The following MLH3 variants were observed in gnomAD, a reference collection of about 807,000 sequenced individuals.
MLH3 encodes mutL homolog 3, also known as DNA mismatch repair protein Mlh3.
MLH3 carries 82 observed loss-of-function variants against 122.2 expected under a neutral mutation model. The ratio of observed to expected loss-of-function variants is 0.67; its 90% confidence interval spans 0.56 to 0.81. The LOEUF (loss-of-function observed/expected upper bound fraction) is 0.81. Ranked by LOEUF, MLH3 falls within the 30% of genes least tolerant of loss-of-function variation. MLH3 has a pLI of 0.00. For synonymous variants in MLH3, 524 were observed against 599.5 expected (o/e 0.87, Z 1.84); for missense variants, 1,539 against 1,714.5 (o/e 0.90, Z 1.81).
Position 75,032,218 on chromosome 14 carries a change from G to A in MLH3, c.3716-39C>T, listed in dbSNP as rs761437359. ...GATGAATGGGTTAAGAGTAGGAAGG[G>A]AAGTCTTCTAGATTCAGATAAAAAT... On this transcript the variant is annotated intron_variant, in intron 7 of 12. Transcript: ENST00000355774. 6 of 1,191,226 alleles carry A rather than the reference G, an allele frequency of 5.0e-6. No homozygotes were observed. The East Asian group carries it at 1.4e-4, about 28-fold the overall frequency. 73.8% of individuals were successfully genotyped at this position (1,191,226 alleles called of 1,614,324 possible). A position where few individuals can be genotyped will look rare whatever the true frequency, so the allele number is the denominator to read the frequency against.
chr14:75,039,845 C>CTATATATA lies in MLH3; in HGVS notation c.3570+65_3570+66insTATATATA, dbSNP rs1566594267. On this transcript the variant is annotated intron_variant, in intron 5 of 12. Transcript: ENST00000355774. ...TAAATCAAATTTTAGAAGAGTTAGG[C>CTATATATA]CATATATATATATATATATATATAT... 38 of 316,520 alleles carry CTATATATA rather than the reference C, an allele frequency of 1.2e-4. 2 individuals are homozygous for CTATATATA. Among genetic ancestry groups the CTATATATA allele is most frequent in the Admixed American group, 5.1e-4 (5 of 9,862 alleles). The allele number at this position is 316,520 out of a possible 1,614,324, so 19.6% of individuals were successfully genotyped here.
rs1890975310 is a variant in MLH3, at chr14:75,030,547, A to G, written c.3983T>C (p.Val1328Ala). The change falls in exon 9 of 13, where the codon GTG (valine) becomes GCG (alanine). Residue 1328 changes from valine to alanine, a missense_variant. Transcript: ENST00000355774. ...ACATCTGCAGCTGTGTCTTACCTCC[A>G]CAATACTCTTGGTCACAGTAGATCT... ...RGRSTVTKSI[V>A]EEFIREQLEL... The G allele has an allele frequency of 6.2e-7, 1 of 1,614,116 alleles. No homozygotes were observed. Among genetic ancestry groups the G allele is most frequent in the Non-Finnish European group, 8.5e-7 (1 of 1,179,984 alleles).
In MLH3 at chr14:75,047,415, C is replaced by T. The variant is rs139155264; in HGVS notation, c.2241G>A (p.Leu747=). ...SKPIVRKKLS[L]SSQLGSLEKF... ...TCTCTAAAGATCCTAGCTGTGAACT[C>T]AAGCTTAGCTTCTTACGGACGATTG... Residue 747 remains leucine (L), a synonymous_variant, in exon 2 of 13, where the codon TTG becomes TTA. Coordinates refer to ENST00000355774, the MANE Select transcript of MLH3 (RefSeq NM_001040108.2). The T allele has an allele frequency of 2.3e-5, 37 of 1,614,076 alleles. No homozygotes were observed. In the African/African-American group the frequency reaches 2.9e-4, roughly 13 times the overall value.
At chr14:75,019,968 T>C (rs1476115784) in intron 11 of MLH3, among the ~76,000 whole-genome samples, 1 of 152,112 alleles carries the variant, frequency 6.6e-6, no homozygotes, top group Non-Finnish European at 1.5e-5. Flanking sequence ...AAATACAGGA[T>C]ATGAATATAT....
At position 75,050,492 on chromosome 14, in the gene MLH3, C is replaced by T. The variant is rs913787543; in HGVS notation, c.-63-774G>A. ...TCGGCTCACTGCAGCCTGCACCTCC[C>T]GGGCTCAAGCAATCCTCCAGCCTTA... On this transcript the variant is annotated intron_variant, in intron 1 of 12. Coordinates refer to ENST00000355774, the MANE Select transcript of MLH3 (RefSeq NM_001040108.2). Among the ~76,000 whole-genome samples, 7 of 152,258 alleles carry T rather than the reference C, an allele frequency of 4.6e-5. No homozygotes were observed. In the East Asian group the frequency reaches 9.6e-4, roughly 21 times the overall value.
chr14:75,028,365 G>A (rs1252703107), intron 9 of MLH3, among the ~76,000 whole-genome samples: 1 of 151,076 alleles, frequency 6.6e-6, no homozygotes, highest in Non-Finnish European at 1.5e-5. Flanking sequence ...AACCCATCTA[G>A]CCAACTCCCA....
At position 75,046,606 on chromosome 14, in the gene MLH3, T is replaced by C; in HGVS notation, c.3050A>G (p.Asn1017Ser). The C allele has an allele frequency of 6.2e-7, 1 of 1,614,192 alleles. No homozygotes were observed. Among genetic ancestry groups the C allele is most frequent in the South Asian group, 1.1e-5 (1 of 91,080 alleles). Reference sequence around the variant, plus strand: ...TTCCTCACTCTGAAAACAAATTCCATTTTGGTCACCTGTGGCATCTTCTAC... The same window carrying C: ...TTCCTCACTCTGAAAACAAATTCCACTTTGGTCACCTGTGGCATCTTCTAC... ...NPVEDATGDQ[N>S]GICFQSEESK... The change falls in exon 2 of 13, where the codon AAT becomes AGT. Residue 1017 changes from asparagine to serine, a missense_variant. Asn to Ser is a conservative substitution (Grantham distance 46). Transcript: ENST00000355774.
chr14:75,039,148 C>T (rs1189662364), intron 5 of MLH3, among the ~76,000 whole-genome samples: 2 of 152,132 alleles, frequency 1.3e-5, no homozygotes, highest in East Asian at 1.9e-4. Context: ...TGAGCCAGCG[C>T]GCCCGGCTGC....
chr14:75,022,139 G>A (rs1890321371), intron 11 of MLH3, among the ~76,000 whole-genome samples: 1 of 152,120 alleles, frequency 6.6e-6, no homozygotes, highest in South Asian at 2.1e-4. Flanking sequence ...ACAAAGAAGG[G>A]GTAACAGACA....
Position 75,047,435 on chromosome 14 carries a change from C to T in MLH3, c.2221G>A (p.Val741Ile), listed in dbSNP as rs28756990. ...DKLIGFSKPIVRKKLSLSSQL... is the reference protein window; with the variant it reads ...DKLIGFSKPIIRKKLSLSSQL... The stretch of plus-strand genomic sequence containing the variant: ...GAACTCAAGCTTAGCTTCTTACGGA[C>T]GATTGGTTTGGAGAAACCAATTAAT... The change falls in exon 2 of 13, where the codon GTC becomes ATC. Residue 741 changes from valine (V) to isoleucine (I), a missense_variant. Coordinates refer to ENST00000355774, the MANE Select transcript of MLH3 (RefSeq NM_001040108.2). 23 of 1,613,942 alleles carry T rather than the reference C, an allele frequency of 1.4e-5. No individual in the cohort carries two copies. In the South Asian group the frequency reaches 1.8e-4, roughly 12 times the overall value.
intron 9 of MLH3, among the ~76,000 whole-genome samples, chr14:75,027,664 T>TAAAAAAAA (rs56986784): frequency 3.2e-5 from 1 of 30,906 alleles, no homozygotes; most frequent in Non-Finnish European, 5.8e-5. Flanking sequence ...TTTACTTCAG[T>TAAAAAAAA]AAAAAAAAAA....
chr14:75,044,617 G>T (rs1204900153), intron 2 of MLH3, among the ~76,000 whole-genome samples: 1 of 152,116 alleles, frequency 6.6e-6, no homozygotes, highest in Admixed American at 6.5e-5. Context: ...AACAGTGAAA[G>T]AAATGAGTTT....
chr14:75,026,631 C>A (rs1890645883), intron 9 of MLH3, among the ~76,000 whole-genome samples: 1 of 152,150 alleles, frequency 6.6e-6, no homozygotes, highest in Non-Finnish European at 1.5e-5. Flanking sequence ...ACTTTCCAAA[C>A]TGAAGAAGCA....
chr14:75,022,010 C>G (rs1019223282), intron 11 of MLH3, among the ~76,000 whole-genome samples: 1 of 152,004 alleles, frequency 6.6e-6, no homozygotes, highest in African/African-American at 2.4e-5. Flanking sequence ...TAAAAAAGAA[C>G]GAGATCACAT....
chr14:75,047,778 T>C lies in MLH3; in HGVS notation c.1878A>G (p.Ser626=). ...EKTKSTETEH[S]FKNYVRPGPT... ...GACCAGGTCTAACATAATTTTTAAA[T>C]GAATGTTCTGTTTCAGTTGATTTAG... The change falls in exon 2 of 13, where the codon TCA becomes TCG. Residue 626 remains serine (S), a synonymous_variant. Coordinates refer to ENST00000355774, the MANE Select transcript of MLH3 (RefSeq NM_001040108.2). The C allele has an allele frequency of 6.2e-7, 1 of 1,614,098 alleles. No individual in the cohort carries two copies. Among genetic ancestry groups the C allele is most frequent in the South Asian group, 1.1e-5 (1 of 91,054 alleles).
chr14:75,021,136 C>T (rs900991485), intron 11 of MLH3, among the ~76,000 whole-genome samples: 1 of 152,242 alleles, frequency 6.6e-6, no homozygotes, highest in Non-Finnish European at 1.5e-5. Context: ...CTTGGTCTCC[C>T]AAAGTGCTGG....
At position 75,039,891 on chromosome 14, in the gene MLH3, T is replaced by A; in HGVS notation, c.3570+20A>T. 1 of 770,840 alleles carries A rather than the reference T, an allele frequency of 1.3e-6. No homozygotes were observed. The highest frequency in any genetic ancestry group is 2.1e-6 in the Non-Finnish European group (1 of 485,830). 47.8% of individuals were successfully genotyped at this position (770,840 alleles called of 1,614,324 possible). A position where few individuals can be genotyped will look rare whatever the true frequency, so the allele number is the denominator to read the frequency against. ...TATATATATATATATATTTATGAGA[T>A]TTTGAAGTTAATCTTTTACCTGCAT... is the stretch of plus-strand genomic sequence containing the variant. On this transcript the variant is annotated intron_variant, in intron 5 of 12. Coordinates refer to ENST00000355774, the MANE Select transcript of MLH3 (RefSeq NM_001040108.2).
At chr14:75,028,616 T>A (rs556304169) in intron 9 of MLH3, among the ~76,000 whole-genome samples, 158 of 151,006 alleles carry the variant, frequency 1.0e-3, no homozygotes, top group African/African-American at 3.6e-3. Flanking sequence ...CGGGGTCTCA[T>A]CATGTTGGCC....
In MLH3 at chr14:75,039,846, C is replaced by T. The variant is rs8019155; in HGVS notation, c.3570+65G>A. The T allele has an allele frequency of 8.8e-4, 284 of 322,206 alleles. 3 individuals are homozygous for T. The highest frequency in any genetic ancestry group is 3.2e-3 in the African/African-American group (91 of 28,262). The allele number at this position is 322,206 out of a possible 1,614,324, so 20.0% of individuals were successfully genotyped here. A position where few individuals can be genotyped will look rare whatever the true frequency, so the allele number is the denominator to read the frequency against. On this transcript the variant is annotated intron_variant, in intron 5 of 12. Transcript: ENST00000355774. ...AAATCAAATTTTAGAAGAGTTAGGC[C>T]ATATATATATATATATATATATATA...
Sources: gnomAD v4.1 joint callset for allele counts (sites outside exome capture counted in the v4.1 genomes callset) on GRCh38, gnomAD v4.1.1 for gene constraint, MANE v1.5 for transcripts, NCBI Gene and HGNC (gene_info 2026-07-23, HGNC 2026-07-21) for gene names.